NME9: variants seen among roughly 807,000 people sequenced by gnomAD.
The protein encoded by NME9 is thioredoxin domain-containing protein 6.
In NME9, 48 loss-of-function variants were observed where a neutral mutation model predicts 44.4. The ratio of observed to expected loss-of-function variants is 1.08; its 90% CI spans 0.86 to 1.37. The LOEUF is 1.37. NME9 is among the 40% of genes most tolerant of loss of function. The pLI, the probability that NME9 is intolerant of heterozygous loss-of-function variation, is 0.00. For synonymous variants in NME9, 139 were observed against 147.1 expected (o/e 0.94, Z 0.40); for missense variants, 325 against 405.2 (o/e 0.80, Z 1.70).
chr3:138,265,951 G>A (rs1390088691), intron 8 of NME9, among the ~76,000 whole-genome samples: 1 of 152,192 alleles, frequency 6.6e-6, no homozygotes, highest in African/African-American at 2.4e-5. Context: ...TGGAAGGAAT[G>A]ATAGATTGAG....
intron 8 of NME9, among the ~76,000 whole-genome samples, chr3:138,268,490 C>G (rs2048485098): frequency 6.6e-6 from 1 of 152,156 alleles, no homozygotes; most frequent in African/African-American, 2.4e-5. Flanking sequence ...GATCTACCTT[C>G]AGGATATTTA....
chr3:138,269,717 T>C (rs1476584238), intron 8 of NME9, among the ~76,000 whole-genome samples: 2 of 151,920 alleles, frequency 1.3e-5, no homozygotes, highest in Non-Finnish European at 2.9e-5. Context: ...AATGGGATCA[T>C]AAGGGTCTGT....
chr3:138,313,331 G>T (rs2052833772), intron 6 of NME9, among the ~76,000 whole-genome samples: 1 of 152,154 alleles, frequency 6.6e-6, no homozygotes, highest in Admixed American at 6.5e-5. Context: ...GGCAGAGGTT[G>T]CAGTGAGCCA....
chr3:138,303,105 G>A (rs967560970), intron 10 of NME9, among the ~76,000 whole-genome samples: 1 of 152,236 alleles, frequency 6.6e-6, no homozygotes. Flanking sequence ...CCGTATAGCT[G>A]CGTTTCTCAG....
intron 2 of NME9, among the ~76,000 whole-genome samples, chr3:138,320,546 T>C (rs868404898): frequency 3.3e-5 from 5 of 152,252 alleles, no homozygotes; most frequent in South Asian, 2.1e-4. Flanking sequence ...ATTTCAAAAT[T>C]TTCCCATCAA....
intron 8 of NME9, chr3:138,262,615 T>G (rs756521937): frequency 1.8e-5 from 27 of 1,523,360 alleles, no homozygotes; most frequent in African/African-American, 4.2e-5. Context: ...AAAAAAAAAT[T>G]TAGGTGCCTA....
At position 138,329,361 on chromosome 3, in the gene NME9, G is replaced by A; in HGVS notation, c.-26C>T. 2 of 1,535,994 alleles carry A rather than the reference G, an allele frequency of 1.3e-6. No homozygotes were observed. Among genetic ancestry groups the A allele is most frequent in the Non-Finnish European group, 1.7e-6 (2 of 1,146,836 alleles). On this transcript the variant is annotated 5_prime_UTR_variant, in exon 1 of 11. Coordinates refer to ENST00000333911, the MANE Select transcript of NME9 (RefSeq NM_001349018.2). Reference sequence around the variant, plus strand: ...GGCTCTGCAAAGAAGACGAAGCCCTGTTACCGCGGCCGTGGGCCGTTCCCC... The same window carrying A: ...GGCTCTGCAAAGAAGACGAAGCCCTATTACCGCGGCCGTGGGCCGTTCCCC...
At chr3:138,276,201 AACAGTCGGCTC>A (rs1226718068) in intron 8 of NME9, among the ~76,000 whole-genome samples, 2 of 152,240 alleles carry the variant, frequency 1.3e-5, no homozygotes, top group African/African-American at 4.8e-5. Flanking sequence ...TGGGAGGCTA[AACAGTCGGCTC>A]ACTAGCTAGA....
At chr3:138,316,604 CTATTTATTTATT>C (rs111458947) in intron 4 of NME9, among the ~76,000 whole-genome samples, 1 of 151,718 alleles carries the variant, frequency 6.6e-6, no homozygotes, top group African/African-American at 2.4e-5. Context: ...TTTCAAAAGT[CTATTTATTTATT>C]TATTTATTTA....
chr3:138,317,169 C>T (rs1287734336), intron 4 of NME9, among the ~76,000 whole-genome samples: 1 of 152,248 alleles, frequency 6.6e-6, no homozygotes, highest in Non-Finnish European at 1.5e-5. Flanking sequence ...GCATGCTCAT[C>T]TCTGAGCTCC....
intron 8 of NME9, among the ~76,000 whole-genome samples, chr3:138,291,081 A>G (rs1560059889): frequency 1.3e-5 from 2 of 152,206 alleles, no homozygotes; most frequent in South Asian, 2.1e-4. Context: ...AGAGCTCATC[A>G]TTTCCTGGTA....
At chr3:138,300,523 C>T (rs1455297132), downstream of NME9, among the ~76,000 whole-genome samples, 1 of 152,136 alleles carries the variant, frequency 6.6e-6, no homozygotes, top group Non-Finnish European at 1.5e-5. Flanking sequence ...CAAATAAAGT[C>T]GTTAGAGGGG....
intron 8 of NME9, chr3:138,269,967 C>T: frequency 1.8e-5 from 17 of 966,294 alleles, no homozygotes; most frequent in Non-Finnish European, 2.8e-5. Context: ...CACAAAGTGC[C>T]AAGGTATATG....
At chr3:138,322,485 GGTGT>G (rs10580643) in intron 2 of NME9, among the ~76,000 whole-genome samples, 68,693 of 146,214 alleles carry the variant, frequency 0.47, 17,379 homozygotes, top group East Asian at 0.64. Flanking sequence ...AAGAAAAAGG[GGTGT>G]GTGTGTGTGT....
rs2048206545 is a variant in NME9 at position 138,265,658 on chromosome 3, A to G, written c.746-3072T>C. ...AGGAGGATTTTCTGGGGAGCAGAATAGCATGAGGAGAAACATTATGTATGG... is the reference window on the plus strand; with the variant it reads ...AGGAGGATTTTCTGGGGAGCAGAATGGCATGAGGAGAAACATTATGTATGG... On this transcript the variant is annotated intron_variant, in intron 8 of 8. Coordinates refer to the NME9 transcript ENST00000317876. Among the ~76,000 whole-genome samples, 3 of 152,236 alleles carry G rather than the reference A, an allele frequency of 2.0e-5. No homozygotes were observed. In the South Asian group the frequency reaches 6.2e-4, roughly 31 times the overall value.
chr3:138,329,225 A>G, intron 1 of NME9, 78 bp downstream of exon 1: 3 of 1,270,708 alleles, frequency 2.4e-6, no homozygotes, highest in Non-Finnish European at 2.2e-6. Context: ...TCACTTTTAT[A>G]CTGCAACCCC....
intron 8 of NME9, chr3:138,263,727 C>G: frequency 6.2e-7 from 1 of 1,610,730 alleles, no homozygotes; most frequent in Admixed American, 1.7e-5. Flanking sequence ...CAGCATTAAC[C>G]TTTTTCTCCA....
At chr3:138,295,060 G>A (rs946126143) in intron 8 of NME9, among the ~76,000 whole-genome samples, 1 of 151,850 alleles carries the variant, frequency 6.6e-6, no homozygotes, top group Admixed American at 6.6e-5. Flanking sequence ...TGCCACACTC[G>A]GCTAATTTTT....
chr3:138,312,750 TA>T, intron 6 of NME9, among the ~76,000 whole-genome samples: 1 of 152,082 alleles, frequency 6.6e-6, no homozygotes, highest in Admixed American at 6.6e-5. Flanking sequence ...CAAAAATAGA[TA>T]AATGAGATCA....
Sources: gnomAD v4.1 joint callset for allele counts (sites outside exome capture counted in the v4.1 genomes callset) on GRCh38, gnomAD v4.1.1 for gene constraint, MANE v1.5 for transcripts, NCBI Gene and HGNC (gene_info 2026-07-23, HGNC 2026-07-21) for gene names.